The following SLC17A4 variants were observed in gnomAD, a reference collection of about 807,000 sequenced individuals.
The protein encoded by SLC17A4 is solute carrier family 17 member 4, also known as probable small intestine urate exporter.
SLC17A4 carries 33 observed loss-of-function variants against 52.5 expected under a neutral mutation model. The observed-to-expected ratio is 0.63, with a 90% confidence interval of 0.48 to 0.84. SLC17A4 has a LOEUF of 0.84. Among genes scored for constraint, SLC17A4 ranks in the 40% least tolerant of loss-of-function variants. SLC17A4 has a pLI of 0.00. For synonymous variants in SLC17A4, 225 were observed against 216.2 expected, an observed-to-expected ratio of 1.04 and a Z score of -0.36; for missense variants, 585 against 597.1, an observed-to-expected ratio of 0.98 and a Z score of 0.21.
At chr6:25,773,893 A>C (rs1411015986) in intron 8 of SLC17A4, among the ~76,000 whole-genome samples, 1 of 152,038 alleles carries the variant, frequency 6.6e-6, no homozygotes, top group East Asian at 1.9e-4. Context: ...TTCTAGTTTG[A>C]TTTTCATACA....
At position 25,759,926 on chromosome 6, in the gene SLC17A4, T is replaced by G. The variant is rs1387592479; in HGVS notation, c.-36-2001T>G. On this transcript the variant is annotated intron_variant, in intron 1 of 11. Transcript: ENST00000377905. ...ATGCAAATATTAAATAATCATTAGTTAGCTCCTGACTTTTTGCTTTTACAA... is the reference window on the plus strand; with the variant it reads ...ATGCAAATATTAAATAATCATTAGTGAGCTCCTGACTTTTTGCTTTTACAA... Among the ~76,000 whole-genome samples, 3 of 152,238 alleles carry G rather than the reference T, an allele frequency of 2.0e-5. No individual in the cohort carries two copies. In the East Asian group the frequency reaches 5.8e-4, roughly 29 times the overall value.
At chr6:25,770,515 GA>G (rs1561806844) in intron 5 of SLC17A4, 44 bp downstream of exon 5, 1 of 1,574,772 alleles carries the variant, frequency 6.4e-7, no homozygotes, top group Admixed American at 1.7e-5. Flanking sequence ...CTGTCCAGGA[GA>G]ACTCAGCAAA....
intron 2 of SLC17A4, among the ~76,000 whole-genome samples, chr6:25,767,781 CAGG>C (rs1762142630): frequency 6.6e-6 from 1 of 152,058 alleles, no homozygotes; most frequent in Non-Finnish European, 1.5e-5. Flanking sequence ...TTAAATTACC[CAGG>C]AGAATGAAAT....
At chr6:25,760,489 C>CCTGAAT (rs1761438906) in intron 1 of SLC17A4, among the ~76,000 whole-genome samples, 1 of 152,080 alleles carries the variant, frequency 6.6e-6, no homozygotes, top group African/African-American at 2.4e-5. Flanking sequence ...CATTTTGATT[C>CCTGAAT]CTGAATCTGA....
chr6:25,769,298 C>A, intron 3 of SLC17A4, 108 bp downstream of exon 3: 1 of 1,063,922 alleles, frequency 9.4e-7, no homozygotes, highest in Non-Finnish European at 1.4e-6. Context: ...TGAACATGTA[C>A]TATGTGCCAG....
rs1763196533 is a variant in SLC17A4, at chr6:25,779,447, G to A, written c.*259G>A. On this transcript the variant is annotated 3_prime_UTR_variant, in exon 12 of 12. Coordinates refer to ENST00000377905, the MANE Select transcript of SLC17A4 (RefSeq NM_005495.3). The stretch of plus-strand genomic sequence containing the variant: ...ACTGTTATCCTAGTAAAAGCATCAG[G>A]GGCTGGGGACAATTTCTTTCCAAAG... 2.8e-6 allele frequency: 1 copy of A among 358,488 alleles called. No homozygotes were observed. Among genetic ancestry groups the A allele is most frequent in the East Asian group, 5.3e-5 (1 of 18,768 alleles). 22.2% of individuals were successfully genotyped at this position (358,488 alleles called of 1,614,324 possible). A position where few individuals can be genotyped will look rare whatever the true frequency, so the allele number is the denominator to read the frequency against.
intron 8 of SLC17A4, 96 bp downstream of exon 8, chr6:25,773,770 C>T (rs59340721): frequency 0.018 from 25,366 of 1,375,990 alleles, 1,332 homozygotes; most frequent in African/African-American, 0.18. Flanking sequence ...GTCACAAAAT[C>T]GGGGGATTAG....
Position 25,777,906 on chromosome 6 carries a change from G to A in SLC17A4, c.1269-20G>A, listed in dbSNP as rs1763068900. The A allele has an allele frequency of 1.3e-6, 2 of 1,597,160 alleles. No individual in the cohort carries two copies. Among genetic ancestry groups the A allele is most frequent in the Non-Finnish European group, 1.7e-6 (2 of 1,165,454 alleles). ...CGTAGGTATACTTGGTTATAATAGA[G>A]TACCATCTCTCTCTCTCAGGTACAC... is the stretch of plus-strand genomic sequence containing the variant. On this transcript the variant is annotated intron_variant, in intron 10 of 11. Coordinates refer to ENST00000377905, the MANE Select transcript of SLC17A4 (RefSeq NM_005495.3).
intron 2 of SLC17A4, among the ~76,000 whole-genome samples, chr6:25,764,056 C>A (rs889537218): frequency 6.6e-6 from 1 of 152,170 alleles, no homozygotes; most frequent in Non-Finnish European, 1.5e-5. Flanking sequence ...ATGTGCATCA[C>A]AAAGTGGGTA....
At chr6:25,774,735 T>G (rs1288977677) in intron 8 of SLC17A4, among the ~76,000 whole-genome samples, 1 of 151,858 alleles carries the variant, frequency 6.6e-6, no homozygotes, top group Non-Finnish European at 1.5e-5. Context: ...AAGAGGAAAA[T>G]GGGAAAATGA....
Position 25,779,273 on chromosome 6 carries a change from T to G in SLC17A4, c.*85T>G, listed in dbSNP as rs866084983. 1 of 1,555,106 alleles carries G rather than the reference T, an allele frequency of 6.4e-7. No individual in the cohort carries two copies. Among genetic ancestry groups the G allele is most frequent in the Non-Finnish European group, 8.8e-7 (1 of 1,141,926 alleles). ...CATTTCTCTTTCATGCCTGCTTGAC[T>G]GATAAGCCATTAGCTAGACCCTGAC... On this transcript the variant is annotated 3_prime_UTR_variant, in exon 12 of 12. Transcript: ENST00000377905.
At position 25,781,143 on chromosome 6, in the gene SLC17A4, A is replaced by C. The variant is rs573948852; in HGVS notation, c.*1955A>C. The C allele has an allele frequency of 1.3e-4, 19 of 151,716 alleles. No homozygotes were observed. Among genetic ancestry groups the C allele is most frequent in the African/African-American group, 4.6e-4 (19 of 41,384 alleles). 9.4% of individuals were successfully genotyped at this position (151,716 alleles called of 1,614,324 possible). On this transcript the variant is annotated 3_prime_UTR_variant, in exon 12 of 12. Transcript: ENST00000377905. ...TTGGGAATAAGCCTTAAAGAATTCC[A>C]GTATTTAATGGTCAGCTGGAGGATG...
At chr6:25,757,246 C>G (rs1175523044) in intron 1 of SLC17A4, among the ~76,000 whole-genome samples, 1 of 152,124 alleles carries the variant, frequency 6.6e-6, no homozygotes, top group Non-Finnish European at 1.5e-5. Flanking sequence ...AACACAATAG[C>G]ACCAAAGGAT....
chr6:25,773,130 C>CTG (rs1255401533), intron 6 of SLC17A4, 145 bp from the exon 7 acceptor site: 7 of 703,882 alleles, frequency 9.9e-6, no homozygotes, highest in African/African-American at 5.3e-5. Flanking sequence ...GTACCCTCCC[C>CTG]CATGATAGGG....
Position 25,762,041 on chromosome 6 carries a change from T to G in SLC17A4, c.79T>G (p.Cys27Gly), listed in dbSNP as rs1368962339. 1.2e-6 allele frequency: 2 copies of G among 1,613,126 alleles called. No homozygotes were observed. Among genetic ancestry groups the G allele is most frequent in the African/African-American group, 2.7e-5 (2 of 74,876 alleles). ...DGNLNVAQEE[C>G]SRKGFCSVRH... The stretch of plus-strand genomic sequence containing the variant: ...CAATTTAAACGTGGCTCAAGAGGAA[T>G]GCTCCAGGAAAGGTAAAATCATGCA... Residue 27 changes from cysteine (C) to glycine (G), a missense_variant, in exon 2 of 12, where the codon TGC becomes GGC. Transcript: ENST00000377905.
chr6:25,774,921 T>C (rs1003036339), intron 8 of SLC17A4, among the ~76,000 whole-genome samples: 6 of 152,236 alleles, frequency 3.9e-5, no homozygotes, highest in African/African-American at 1.2e-4. Flanking sequence ...TCCTTTCCAT[T>C]GTTTGGATTA....
rs766629413 is a variant in SLC17A4 at position 25,770,373 on chromosome 6, T to C, written c.532-11T>C. On this transcript the variant is annotated splice_polypyrimidine_tract_variant and intron_variant, in intron 4 of 11. Coordinates refer to ENST00000377905, the MANE Select transcript of SLC17A4 (RefSeq NM_005495.3). ...ACCTCAGATCTCCAAGAATGGAATT[T>C]TTCCCCCCAGGTTATGGTATTAACT... 1 of 1,614,070 alleles carries C rather than the reference T, an allele frequency of 6.2e-7. No individual in the cohort carries two copies. Among genetic ancestry groups the C allele is most frequent in the Non-Finnish European group, 8.5e-7 (1 of 1,179,946 alleles).
At chr6:25,754,897 T>A (rs958543192) in intron 1 of SLC17A4, 116 bp downstream of exon 1, 1 of 151,800 alleles carries the variant, frequency 6.6e-6, no homozygotes, top group Non-Finnish European at 1.5e-5. Context: ...ATTGTGGGAG[T>A]GGAGAAGAGA....
intron 6 of SLC17A4, among the ~76,000 whole-genome samples, chr6:25,771,745 T>C (rs181290138): frequency 4.6e-5 from 7 of 152,314 alleles, no homozygotes; most frequent in African/African-American, 1.7e-4. Context: ...GACCTAATCA[T>C]AGGTAAAATA....
Sources: gnomAD v4.1 joint callset for allele counts (sites outside exome capture counted in the v4.1 genomes callset) on GRCh38, gnomAD v4.1.1 for gene constraint, MANE v1.5 for transcripts, NCBI Gene and HGNC (gene_info 2026-07-23, HGNC 2026-07-21) for gene names.